The following ROBO1 variants were observed in gnomAD, a reference collection of about 807,000 sequenced individuals.
ROBO1 encodes the protein roundabout homolog 1.
Under a neutral mutation model 195.9 loss-of-function variants are expected in ROBO1, and 149 were observed. That is an observed-to-expected ratio of 0.76 (90% CI 0.67 to 0.87). ROBO1 has a LOEUF of 0.87. Ranked by LOEUF, ROBO1 falls within the 40% of genes least tolerant of loss-of-function variation. ROBO1 has a pLI of 0.00. For missense variants in ROBO1, 1,933 were observed against 2,068.3 expected (o/e 0.93, Z 1.27); for synonymous variants, 816 against 733.2 (o/e 1.11, Z -1.82).
intron 2 of ROBO1, among the ~76,000 whole-genome samples, chr3:79,368,889 G>C (rs571692797): frequency 6.6e-6 from 1 of 152,234 alleles, no homozygotes; most frequent in South Asian, 2.1e-4. Flanking sequence ...CATGATGAAA[G>C]AGTTTTTCAA....
intron 5 of ROBO1, among the ~76,000 whole-genome samples, chr3:78,737,523 G>A (rs1576053974): frequency 1.3e-5 from 2 of 152,082 alleles, no homozygotes; most frequent in South Asian, 2.1e-4. Flanking sequence ...ACTAATCTAG[G>A]TATGATTAGA....
chr3:78,608,442 A>T (rs1358063210), intron 28 of ROBO1, among the ~76,000 whole-genome samples: 1 of 152,220 alleles, frequency 6.6e-6, no homozygotes, highest in East Asian at 1.9e-4. Flanking sequence ...TATACTTAAG[A>T]ATGAAAGTAG....
chr3:78,950,361 G>C (rs976214933), intron 3 of ROBO1, among the ~76,000 whole-genome samples: 1 of 151,848 alleles, frequency 6.6e-6, no homozygotes, highest in Non-Finnish European at 1.5e-5. Context: ...GTCCTTTGTA[G>C]GGACATGGAT....
intron 3 of ROBO1, among the ~76,000 whole-genome samples, chr3:79,069,445 C>T (rs553290787): frequency 6.6e-6 from 1 of 151,988 alleles, no homozygotes; most frequent in Non-Finnish European, 1.5e-5. Context: ...CCTATTGATG[C>T]CCCACCTTCA....
chr3:79,173,428 C>T (rs1053305702), intron 2 of ROBO1, among the ~76,000 whole-genome samples: 11 of 151,994 alleles, frequency 7.2e-5, no homozygotes, highest in Non-Finnish European at 1.3e-4. Context: ...GCCCGCACTC[C>T]GAGCAGCTGG....
chr3:78,634,954 T>G (rs568121559), intron 23 of ROBO1, among the ~76,000 whole-genome samples: 2 of 152,308 alleles, frequency 1.3e-5, no homozygotes, highest in South Asian at 4.1e-4. Flanking sequence ...TGTCTCCAAT[T>G]ATCTCCAGTG....
chr3:79,453,348 A>T (rs1317077877), intron 2 of ROBO1, among the ~76,000 whole-genome samples: 1 of 152,136 alleles, frequency 6.6e-6, no homozygotes, highest in Non-Finnish European at 1.5e-5. Flanking sequence ...TTTTCCTTAC[A>T]TAAGTTAACA....
At chr3:79,503,296 G>A (rs1411381491) in intron 2 of ROBO1, among the ~76,000 whole-genome samples, 3 of 152,086 alleles carry the variant, frequency 2.0e-5, no homozygotes, top group Admixed American at 6.5e-5. Context: ...GGAAGATCAC[G>A]AACCCACCAG....
chr3:78,759,061 T>C (rs1273296473), intron 4 of ROBO1: 1 of 152,256 alleles, frequency 6.6e-6, no homozygotes, highest in East Asian at 1.9e-4. Context: ...CCTTCATCCA[T>C]GAGGGCCTGG....
rs369801872 is a variant in ROBO1 at position 79,764,239 on chromosome 3, T to C, written c.-51+3513A>G. 6.6e-5 allele frequency among the ~76,000 whole-genome samples: 10 copies of C among 152,350 alleles called. No homozygotes were observed. In the East Asian group the frequency reaches 1.4e-3, roughly 21 times the overall value. ...ATTAGTCAGTTAGCCTTCTAGGACCTCAATTTCCTATAGAATTAGGAGAAT... is the reference window on the plus strand; with the variant it reads ...ATTAGTCAGTTAGCCTTCTAGGACCCCAATTTCCTATAGAATTAGGAGAAT... On this transcript the variant is annotated intron_variant, in intron 1 of 30. Coordinates refer to ENST00000464233, the MANE Select transcript of ROBO1 (RefSeq NM_002941.4).
chr3:78,725,934 A>AT (rs5850389), intron 5 of ROBO1, among the ~76,000 whole-genome samples: 1 of 147,554 alleles, frequency 6.8e-6, no homozygotes. Flanking sequence ...TTACACAGGA[A>AT]TTTTTTTTTT....
rs144111900 is a variant in ROBO1, at chr3:79,735,550, C to A, written c.-51+32202G>T. ...TAGATGTCTTGAGGATATTACTGTTCTCAATTAAATCAAAATTTTTGCAAA... is the reference window on the plus strand; with the variant it reads ...TAGATGTCTTGAGGATATTACTGTTATCAATTAAATCAAAATTTTTGCAAA... On this transcript the variant is annotated intron_variant, in intron 1 of 30. Coordinates refer to ENST00000464233, the MANE Select transcript of ROBO1 (RefSeq NM_002941.4). Among the ~76,000 whole-genome samples the A allele has an allele frequency of 4.7e-3, 711 of 152,222 alleles. 5 individuals are homozygous for A. The highest frequency in any genetic ancestry group is 0.016 in the African/African-American group (670 of 41,546).
At chr3:79,278,377 A>AAAAC (rs113781391) in intron 2 of ROBO1, among the ~76,000 whole-genome samples, 36,935 of 150,882 alleles carry the variant, frequency 0.24, 5,042 homozygotes, top group African/African-American at 0.37. Flanking sequence ...AGCAAAAACA[A>AAAAC]AAACAAACAA....
intron 2 of ROBO1, among the ~76,000 whole-genome samples, chr3:79,484,645 A>G (rs1452776001): frequency 1.3e-5 from 2 of 151,940 alleles, no homozygotes; most frequent in South Asian, 4.2e-4. Context: ...CATAATATGC[A>G]CGTGATAGTT....
intron 3 of ROBO1, among the ~76,000 whole-genome samples, chr3:79,009,659 C>A (rs765644792): frequency 1.3e-5 from 2 of 152,188 alleles, no homozygotes; most frequent in Non-Finnish European, 2.9e-5. Flanking sequence ...GTTTCATTGG[C>A]AGGAATTATG....
chr3:78,935,597 T>C (rs2039761334), intron 4 of ROBO1, among the ~76,000 whole-genome samples: 1 of 151,982 alleles, frequency 6.6e-6, no homozygotes, highest in Admixed American at 6.6e-5. Flanking sequence ...AAGTTTTAAA[T>C]AGAGCTGATC....
intron 2 of ROBO1, among the ~76,000 whole-genome samples, chr3:79,510,523 G>A (rs535864423): frequency 1.3e-5 from 2 of 150,846 alleles, no homozygotes; most frequent in South Asian, 2.1e-4. Flanking sequence ...TCATGTTGGA[G>A]TACATGGTTA....
chr3:79,389,724 G>T (rs2036879956), intron 2 of ROBO1, among the ~76,000 whole-genome samples: 1 of 152,038 alleles, frequency 6.6e-6, no homozygotes, highest in Non-Finnish European at 1.5e-5. Flanking sequence ...AGCAAATATA[G>T]GAACAAACTT....
rs767817663 is a variant in ROBO1 at position 78,660,945 on chromosome 3, A to G, written c.2320+85T>C. On this transcript the variant is annotated intron_variant, in intron 16 of 30. Transcript: ENST00000464233. ...AAAGTTAGTAATTAATGCCACTATTAACATTATAACAATTTAAATTAAGCT... is the reference window on the plus strand; with the variant it reads ...AAAGTTAGTAATTAATGCCACTATTGACATTATAACAATTTAAATTAAGCT... 5.6e-6 allele frequency: 5 copies of G among 896,226 alleles called. No homozygotes were observed. In the South Asian group the frequency reaches 5.7e-5, roughly 10 times the overall value. 55.5% of individuals were successfully genotyped at this position (896,226 alleles called of 1,614,324 possible). A position where few individuals can be genotyped will look rare whatever the true frequency, so the allele number is the denominator to read the frequency against.
Sources: gnomAD v4.1 joint callset for allele counts (sites outside exome capture counted in the v4.1 genomes callset) on GRCh38, gnomAD v4.1.1 for gene constraint, MANE v1.5 for transcripts, NCBI Gene and HGNC (gene_info 2026-07-23, HGNC 2026-07-21) for gene names.